ST6GALNAC3: variants seen among roughly 807,000 people sequenced by gnomAD.
ST6GALNAC3 encodes the protein alpha-N-acetylgalactosaminide alpha-2,6-sialyltransferase 3.
ST6GALNAC3 carries 25 observed loss-of-function variants against 32.7 expected under a neutral mutation model. The ratio of observed to expected loss-of-function variants is 0.76; its 90% confidence interval spans 0.56 to 1.07. The LOEUF (loss-of-function observed/expected upper bound fraction) is 1.07. Among genes scored for constraint, ST6GALNAC3 ranks in the 50% least tolerant of loss-of-function variants. The pLI, the probability that ST6GALNAC3 is intolerant of heterozygous loss-of-function variation, is 0.00. For missense variants in ST6GALNAC3, 355 were observed against 382.4 expected (o/e 0.93, Z 0.60); for synonymous variants, 129 against 133.1 (o/e 0.97, Z 0.21).
chr1:76,572,523 A>G (rs1646718679), intron 3 of ST6GALNAC3, among the ~76,000 whole-genome samples: 1 of 152,090 alleles, frequency 6.6e-6, no homozygotes, highest in African/African-American at 2.4e-5. Context: ...TATGTCACCT[A>G]CTTCTGCTTC....
At chr1:76,307,262 C>T (rs896075966) in intron 1 of ST6GALNAC3, among the ~76,000 whole-genome samples, 2 of 151,986 alleles carry the variant, frequency 1.3e-5, no homozygotes, top group African/African-American at 2.4e-5. Flanking sequence ...GTTTAATAAG[C>T]GGGATACACC....
chr1:76,410,648 C>T (rs998280200), intron 2 of ST6GALNAC3, among the ~76,000 whole-genome samples: 2 of 152,090 alleles, frequency 1.3e-5, no homozygotes, highest in Non-Finnish European at 2.9e-5. Context: ...TGGAACTGTG[C>T]CTGACACATC....
intron 1 of ST6GALNAC3, among the ~76,000 whole-genome samples, chr1:76,308,978 A>G (rs1646697229): frequency 6.6e-6 from 1 of 152,120 alleles, no homozygotes; most frequent in Admixed American, 6.6e-5. Context: ...AAGTTTTCTG[A>G]CCAAATTAAT....
At chr1:76,306,772 T>C (rs1661087693) in intron 1 of ST6GALNAC3, among the ~76,000 whole-genome samples, 1 of 151,998 alleles carries the variant, frequency 6.6e-6, no homozygotes, top group South Asian at 2.1e-4. Flanking sequence ...TACATTGAAC[T>C]TTCTAACACC....
chr1:76,428,193 G>T (rs1354238064), intron 3 of ST6GALNAC3, among the ~76,000 whole-genome samples: 1 of 151,948 alleles, frequency 6.6e-6, no homozygotes, highest in Non-Finnish European at 1.5e-5. Context: ...CGGTTCATCA[G>T]CATCTTACTT....
intron 3 of ST6GALNAC3, among the ~76,000 whole-genome samples, chr1:76,451,205 A>G (rs1657376407): frequency 6.6e-6 from 1 of 152,214 alleles, no homozygotes; most frequent in Non-Finnish European, 1.5e-5. Context: ...GCTGCTAAGA[A>G]AGACATACCT....
intron 2 of ST6GALNAC3, among the ~76,000 whole-genome samples, chr1:76,361,821 A>G (rs1649963183): frequency 6.6e-6 from 1 of 151,366 alleles, no homozygotes; most frequent in Non-Finnish European, 1.5e-5. Flanking sequence ...TCTACTAAAT[A>G]TACAAAAATT....
intron 3 of ST6GALNAC3, among the ~76,000 whole-genome samples, chr1:76,420,154 A>T (rs1012144023): frequency 1.3e-5 from 2 of 152,014 alleles, no homozygotes; most frequent in Admixed American, 1.3e-4. Context: ...CTGCTGACCC[A>T]AATGATTTGA....
At chr1:76,258,419 C>G (rs1316910400) in intron 1 of ST6GALNAC3, among the ~76,000 whole-genome samples, 1 of 152,162 alleles carries the variant, frequency 6.6e-6, no homozygotes, top group African/African-American at 2.4e-5. Context: ...TTCCTCAGCT[C>G]TTTAAAGAAA....
chr1:76,598,740 A>T (rs114526675), intron 3 of ST6GALNAC3, among the ~76,000 whole-genome samples: 25,642 of 147,856 alleles, frequency 0.17, 2,992 homozygotes, highest in African/African-American at 0.34. Context: ...TCACAAATTA[A>T]AAAAAAAAAA....
intron 1 of ST6GALNAC3, among the ~76,000 whole-genome samples, chr1:76,234,153 G>T (rs541241612): frequency 6.6e-6 from 1 of 152,122 alleles, no homozygotes; most frequent in African/African-American, 2.4e-5. Context: ...TTACCACCTT[G>T]CTTCCTTGCC....
intron 2 of ST6GALNAC3, among the ~76,000 whole-genome samples, chr1:76,351,726 T>C (rs530907723): frequency 6.6e-6 from 1 of 152,306 alleles, no homozygotes; most frequent in South Asian, 2.1e-4. Flanking sequence ...TTCTGGTATA[T>C]GCCTTCTATC....
chr1:76,342,004 C>T (rs1648079531), intron 2 of ST6GALNAC3, among the ~76,000 whole-genome samples: 1 of 152,032 alleles, frequency 6.6e-6, no homozygotes, highest in Non-Finnish European at 1.5e-5. Context: ...ATGATGGTTT[C>T]CAGCTTTATC....
At chr1:76,495,168 T>C (rs555426371) in intron 3 of ST6GALNAC3, among the ~76,000 whole-genome samples, 2 of 152,218 alleles carry the variant, frequency 1.3e-5, no homozygotes, top group African/African-American at 4.8e-5. Flanking sequence ...TTTGACCAAA[T>C]ACCTGGGTAC....
At chr1:76,145,347 A>G (rs1650608338) in intron 1 of ST6GALNAC3, among the ~76,000 whole-genome samples, 1 of 152,118 alleles carries the variant, frequency 6.6e-6, no homozygotes, top group Non-Finnish European at 1.5e-5. Context: ...CCCCTCCTTG[A>G]ATCCTGGAAG....
chr1:76,498,484 T>G (rs1404494101), intron 3 of ST6GALNAC3, among the ~76,000 whole-genome samples: 1 of 152,166 alleles, frequency 6.6e-6, no homozygotes, highest in African/African-American at 2.4e-5. Flanking sequence ...AAGAGAATTT[T>G]GATTAACAGG....
At chr1:76,570,032 G>A (rs1468357416) in intron 3 of ST6GALNAC3, among the ~76,000 whole-genome samples, 3 of 152,094 alleles carry the variant, frequency 2.0e-5, no homozygotes, top group Non-Finnish European at 4.4e-5. Context: ...TAGGTGTGAA[G>A]CTAATCCATT....
At chr1:76,625,032 A>C (rs1234322776) in intron 3 of ST6GALNAC3, among the ~76,000 whole-genome samples, 1 of 151,964 alleles carries the variant, frequency 6.6e-6, no homozygotes, top group East Asian at 1.9e-4. Context: ...CATTTTAGAC[A>C]CAAGGAAAAT....
intron 3 of ST6GALNAC3, among the ~76,000 whole-genome samples, chr1:76,432,443 C>CTTTTTTTTTTTT (rs35527607): frequency 1.7e-5 from 1 of 57,150 alleles, no homozygotes; most frequent in African/African-American, 7.0e-5. Context: ...CCTTTATTGC[C>CTTTTTTTTTTTT]TTTTTTTTTT....
Sources: allele counts gnomAD v4.1 joint callset (sites outside exome capture counted in the v4.1 genomes callset), GRCh38; gene constraint gnomAD v4.1.1; transcripts MANE v1.5; gene names NCBI Gene and HGNC (gene_info 2026-07-23, HGNC 2026-07-21).